EXOC2: variants seen among roughly 807,000 people sequenced by gnomAD.
The protein encoded by EXOC2 is SEC5-like 1.
EXOC2 carries 70 observed loss-of-function variants against 131.8 expected under a neutral mutation model. The observed-to-expected ratio is 0.53, with a 90% confidence interval of 0.44 to 0.65. The LOEUF is 0.65. EXOC2 is among the 30% of genes least tolerant of loss of function. The probability of loss-of-function intolerance (pLI) is 0.00; values close to 1 mark genes in which losing one functional copy is unlikely to be tolerated. For synonymous variants in EXOC2, 411 were observed against 398.4 expected (o/e 1.03, Z -0.38); for missense variants, 923 against 1,108.6 (o/e 0.83, Z 2.38).
chr6:531,275 G>A (rs1025490855), intron 23 of EXOC2, among the ~76,000 whole-genome samples: 12 of 152,218 alleles, frequency 7.9e-5, no homozygotes, highest in South Asian at 2.1e-4. Context: ...CAGCTTCCCC[G>A]GTTTTACTAT....
intron 13 of EXOC2, among the ~76,000 whole-genome samples, chr6:569,604 C>G (rs908702649): frequency 4.7e-4 from 71 of 152,354 alleles, no homozygotes; most frequent in Non-Finnish European, 5.0e-4. Context: ...ACTTGCAGAC[C>G]GGCAAGGGAA....
intron 11 of EXOC2, among the ~76,000 whole-genome samples, chr6:587,676 A>C (rs1759293180): frequency 6.6e-6 from 1 of 152,220 alleles, no homozygotes; most frequent in Non-Finnish European, 1.5e-5. Flanking sequence ...TCCTCCTTCC[A>C]TCCGAGGAAA....
chr6:652,055 CA>C (rs779403495), intron 1 of EXOC2, among the ~76,000 whole-genome samples: 79 of 77,980 alleles, frequency 1.0e-3, no homozygotes, highest in Admixed American at 2.0e-3. Flanking sequence ...GATTCCATCT[CA>C]AAAAAAAAAA....
intron 23 of EXOC2, among the ~76,000 whole-genome samples, chr6:521,275 C>CG (rs1765453123): frequency 6.6e-6 from 1 of 152,104 alleles, no homozygotes; most frequent in Non-Finnish European, 1.5e-5. Flanking sequence ...AAAACCACCA[C>CG]CCACCGAGCG....
chr6:562,530 A>C (rs543742687), intron 17 of EXOC2, among the ~76,000 whole-genome samples: 223 of 152,352 alleles, frequency 1.5e-3, no homozygotes, highest in Non-Finnish European at 2.3e-3. Flanking sequence ...GTTTTTAAAA[A>C]ACTAATTCAA....
intron 26 of EXOC2, among the ~76,000 whole-genome samples, chr6:490,604 C>T (rs1763376350): frequency 6.6e-6 from 1 of 152,222 alleles, no homozygotes; most frequent in Non-Finnish European, 1.5e-5. Flanking sequence ...GCTTCTCAGG[C>T]ACATCAACAC....
chr6:670,661 ACACTG>A (rs1763821761), intron 1 of EXOC2, among the ~76,000 whole-genome samples: 3 of 152,200 alleles, frequency 2.0e-5, no homozygotes, highest in Non-Finnish European at 4.4e-5. Flanking sequence ...CATAGTGTCT[ACACTG>A]AAAATATTCA....
chr6:508,292 A>G (rs573657304), intron 23 of EXOC2, among the ~76,000 whole-genome samples: 12 of 152,314 alleles, frequency 7.9e-5, no homozygotes, highest in African/African-American at 2.9e-4. Context: ...AAAGACCTAC[A>G]CTGACATGTG....
chr6:502,694 T>G (rs1372620377), intron 23 of EXOC2, among the ~76,000 whole-genome samples: 1 of 152,100 alleles, frequency 6.6e-6, no homozygotes, highest in African/African-American at 2.4e-5. Flanking sequence ...AAAATCAAGC[T>G]TCCTATTTTG....
At chr6:606,271 G>A (rs370558567) in intron 7 of EXOC2, among the ~76,000 whole-genome samples, 1 of 152,198 alleles carries the variant, frequency 6.6e-6, no homozygotes, top group Non-Finnish European at 1.5e-5. Context: ...CCGTCGTGGA[G>A]TTGGGGGAGG....
In EXOC2 at chr6:529,138, C is replaced by T. The variant is rs186066576; in HGVS notation, c.2380+3331G>A. 1.8e-3 allele frequency among the ~76,000 whole-genome samples: 279 copies of T among 151,388 alleles called. 4 individuals are homozygous for T. Among genetic ancestry groups the T allele is most frequent in the African/African-American group, 6.3e-3 (260 of 41,388 alleles). On this transcript the variant is annotated intron_variant, in intron 23 of 27. Coordinates refer to ENST00000230449, the MANE Select transcript of EXOC2 (RefSeq NM_018303.6). ...TTTACCCCCCCCCGCGCCCTGGTTA[C>T]TGCTCACTCAAGTGCTGCCACACGA...
rs368124234 is a variant in EXOC2, at chr6:659,221, C to T, written c.-43-21360G>A. ...TATGTCATTTATTTAACTGACATTG[C>T]GTTTGCTGTAATTTTCAAAACACTG... On this transcript the variant is annotated intron_variant, in intron 1 of 27. Coordinates refer to ENST00000230449, the MANE Select transcript of EXOC2 (RefSeq NM_018303.6). Among the ~76,000 whole-genome samples the T allele has an allele frequency of 5.3e-5, 8 of 152,140 alleles. No homozygotes were observed. The East Asian group carries it at 7.7e-4, about 15-fold the overall frequency.
chr6:672,480 T>C (rs188649719), intron 1 of EXOC2, among the ~76,000 whole-genome samples: 2 of 152,344 alleles, frequency 1.3e-5, no homozygotes, highest in East Asian at 3.9e-4. Flanking sequence ...ATTTCTGCCG[T>C]GTAATTTTTT....
At chr6:639,152 C>T (rs1762238860) in intron 1 of EXOC2, among the ~76,000 whole-genome samples, 1 of 152,116 alleles carries the variant, frequency 6.6e-6, no homozygotes, top group African/African-American at 2.4e-5. Context: ...AGCAAGAGCA[C>T]CAGGACTCAG....
At position 625,218 on chromosome 6, in the gene EXOC2, G is replaced by A. The variant is rs569760665; in HGVS notation, c.422+4617C>T. On this transcript the variant is annotated intron_variant, in intron 4 of 27. Transcript: ENST00000230449. ...TTCACACTTCAGCACTTGCTTTCCA[G>A]TATGAGGACTCTCTGCAGCAATGAC... Among the ~76,000 whole-genome samples, 55 of 152,348 alleles carry A rather than the reference G, an allele frequency of 3.6e-4. No individual in the cohort carries two copies. The South Asian group carries it at 3.7e-3, about 10-fold the overall frequency.
chr6:563,113 T>G (rs1321063622), intron 16 of EXOC2, among the ~76,000 whole-genome samples: 1 of 152,266 alleles, frequency 6.6e-6, no homozygotes, highest in East Asian at 1.9e-4. Flanking sequence ...TAATGACAAC[T>G]TGAGACAATC....
chr6:610,629 A>G (rs1290531798), intron 6 of EXOC2, among the ~76,000 whole-genome samples: 1 of 152,228 alleles, frequency 6.6e-6, no homozygotes, highest in Admixed American at 6.5e-5. Context: ...TAATGCAAAT[A>G]TTTAAAAATC....
At chr6:492,861 T>A (rs140614164) in intron 25 of EXOC2, among the ~76,000 whole-genome samples, 1 of 152,236 alleles carries the variant, frequency 6.6e-6, no homozygotes, top group African/African-American at 2.4e-5. Flanking sequence ...CCAAAAATCA[T>A]TGAATTGCAT....
intron 1 of EXOC2, chr6:656,894 A>C: frequency 6.3e-7 from 1 of 1,596,100 alleles, no homozygotes; most frequent in Non-Finnish European, 8.6e-7. Flanking sequence ...CGCTGACGTG[A>C]ATGAACAGCT....
Sources: allele counts gnomAD v4.1 joint callset (sites outside exome capture counted in the v4.1 genomes callset), GRCh38; gene constraint gnomAD v4.1.1; transcripts MANE v1.5; gene names NCBI Gene and HGNC (gene_info 2026-07-23, HGNC 2026-07-21).